The following FRAS1 variants were observed in gnomAD, a reference collection of about 807,000 sequenced individuals.
FRAS1 encodes the protein extracellular matrix organizing protein FRAS1.
Under a neutral mutation model 435.2 loss-of-function variants are expected in FRAS1, and 290 were observed. The observed-to-expected ratio is 0.67, with a 90% CI of 0.61 to 0.73. FRAS1 has a LOEUF of 0.73. FRAS1 is among the 30% of genes least tolerant of loss of function. FRAS1 has a pLI of 0.00. For missense variants in FRAS1, 4,860 were observed against 5,001.5 expected (o/e 0.97, Z 0.85); for synonymous variants, 1,800 against 1,851.0 (o/e 0.97, Z 0.71).
intron 2 of FRAS1, among the ~76,000 whole-genome samples, chr4:78,122,569 T>C (rs1312656936): frequency 6.6e-6 from 1 of 152,228 alleles, no homozygotes; most frequent in African/African-American, 2.4e-5. Flanking sequence ...TCCACAATGG[T>C]TGAACTAATT....
At chr4:78,360,448 G>A (rs555531667) in intron 20 of FRAS1, among the ~76,000 whole-genome samples, 38 of 152,274 alleles carry the variant, frequency 2.5e-4, no homozygotes, top group Middle Eastern at 6.8e-3. Flanking sequence ...GAGCATAGTT[G>A]GAAGTTAAGG....
chr4:78,308,005 A>G, intron 14 of FRAS1, 61 bp from the exon 15 acceptor site: 1 of 1,496,640 alleles, frequency 6.7e-7, no homozygotes, highest in East Asian at 2.3e-5. Flanking sequence ...TATTTAAAAG[A>G]AAAATGATGA....
chr4:78,515,303 G>T (rs1721171458), intron 65 of FRAS1, among the ~76,000 whole-genome samples: 1 of 145,686 alleles, frequency 6.9e-6, no homozygotes, highest in Non-Finnish European at 1.5e-5. Context: ...GCAAGAAGTA[G>T]TCAAATGTAG....
At chr4:78,075,340 T>C (rs1478338481) in intron 2 of FRAS1, among the ~76,000 whole-genome samples, 1 of 151,900 alleles carries the variant, frequency 6.6e-6, no homozygotes, top group Non-Finnish European at 1.5e-5. Context: ...CCTTGAGGAG[T>C]TGGTTATTTG....
At chr4:78,355,925 G>A (rs982018675) in intron 20 of FRAS1, among the ~76,000 whole-genome samples, 5 of 152,154 alleles carry the variant, frequency 3.3e-5, no homozygotes, top group Non-Finnish European at 7.3e-5. Flanking sequence ...CTGAATTAGA[G>A]GGCTCATCAG....
At chr4:78,153,146 A>G (rs1456665128) in intron 2 of FRAS1, among the ~76,000 whole-genome samples, 1 of 152,068 alleles carries the variant, frequency 6.6e-6, no homozygotes, top group Non-Finnish European at 1.5e-5. Context: ...TCTTATCCCT[A>G]GAGGATTTTG....
chr4:78,146,629 C>G (rs1720432780), intron 2 of FRAS1, among the ~76,000 whole-genome samples: 1 of 152,238 alleles, frequency 6.6e-6, no homozygotes, highest in South Asian at 2.1e-4. Flanking sequence ...ACCTTCCCAT[C>G]CCTCACATTT....
In FRAS1 at chr4:78,472,167, G is replaced by A. The variant is rs1353401392; in HGVS notation, c.7372-13G>A. ...CCACCTCAGGAATTAAATTAAATGG[G>A]TTTCTATTCTAGGCAACCAACCTGA... On this transcript the variant is annotated splice_polypyrimidine_tract_variant and intron_variant, in intron 51 of 73. Transcript: ENST00000512123. 6.2e-7 allele frequency: 1 copy of A among 1,613,582 alleles called. No homozygotes were observed. Among genetic ancestry groups the A allele is most frequent in the Admixed American group, 1.7e-5 (1 of 60,016 alleles).
chr4:78,307,139 C>G lies in FRAS1; in HGVS notation c.1535-927C>G, dbSNP rs186748692. Among the ~76,000 whole-genome samples, 489 of 152,168 alleles carry G rather than the reference C, an allele frequency of 3.2e-3. 5 individuals are homozygous for G. The highest frequency in any genetic ancestry group is 0.028 in the Middle Eastern group (8 of 288). ...GTACCCGGCACTGTGAGGTGTCAGT[C>G]TGCCCCTGCTGGGGGGTGCCTCCTA... On this transcript the variant is annotated intron_variant, in intron 14 of 73. Coordinates refer to ENST00000512123, the MANE Select transcript of FRAS1 (RefSeq NM_025074.7).
At chr4:78,196,005 A>C (rs1489959738) in intron 2 of FRAS1, among the ~76,000 whole-genome samples, 1 of 123,584 alleles carries the variant, frequency 8.1e-6, no homozygotes, top group Non-Finnish European at 1.8e-5. Flanking sequence ...TTATTTATTT[A>C]TTATGTTTTA....
rs116708843 is a variant in FRAS1, at chr4:78,095,543, C to T, written c.108+29527C>T. Among the ~76,000 whole-genome samples the T allele has an allele frequency of 1.5e-3, 223 of 152,222 alleles. 2 individuals are homozygous for T. The highest frequency in any genetic ancestry group is 0.012 in the South Asian group (58 of 4,820). On this transcript the variant is annotated intron_variant, in intron 2 of 73. Transcript: ENST00000512123. ...TTTCATGCTGCTGATAAAGACTTAC[C>T]CGAGACTGGGAAGAAAAAGAGGTTT...
chr4:78,372,130 G>A (rs941267037), intron 23 of FRAS1, among the ~76,000 whole-genome samples: 3 of 152,126 alleles, frequency 2.0e-5, no homozygotes, highest in Non-Finnish European at 4.4e-5. Context: ...GCCTAAATGA[G>A]ACCTTCTATT....
At chr4:78,238,913 TAA>T (rs998971198) in intron 3 of FRAS1, among the ~76,000 whole-genome samples, 6 of 152,216 alleles carry the variant, frequency 3.9e-5, no homozygotes, top group African/African-American at 1.4e-4. Flanking sequence ...GCTTATGATC[TAA>T]GAGTGGCTTT....
chr4:78,131,006 T>G (rs1578144060), intron 2 of FRAS1, among the ~76,000 whole-genome samples: 1 of 152,188 alleles, frequency 6.6e-6, no homozygotes, highest in Non-Finnish European at 1.5e-5. Context: ...AGTTCTTGGT[T>G]CTGATATTTT....
chr4:78,494,035 C>G (rs1299302117), intron 59 of FRAS1, among the ~76,000 whole-genome samples: 1 of 151,706 alleles, frequency 6.6e-6, no homozygotes, highest in Non-Finnish European at 1.5e-5. Flanking sequence ...TTTGTTTTAC[C>G]CCTACTCTCC....
At chr4:78,232,903 C>T (rs879268684) in intron 2 of FRAS1, among the ~76,000 whole-genome samples, 6 of 152,128 alleles carry the variant, frequency 3.9e-5, no homozygotes, top group African/African-American at 1.2e-4. Context: ...TCATAGTCTG[C>T]TGGGAAGACA....
At chr4:78,103,973 C>T (rs1376826319) in intron 2 of FRAS1, among the ~76,000 whole-genome samples, 1 of 152,208 alleles carries the variant, frequency 6.6e-6, no homozygotes, top group Non-Finnish European at 1.5e-5. Context: ...CACCTTCCTG[C>T]ACTCAGTGTT....
rs769192947 is a variant in FRAS1, at chr4:78,363,957, C to T, written c.2625C>T (p.Cys875=). 3.6e-5 allele frequency: 58 copies of T among 1,613,282 alleles called. No homozygotes were observed. The East Asian group carries it at 1.3e-3, about 35-fold the overall frequency. The part of the protein sequence containing the change: ...RTCQGRGPFS[C]SSCDTNLVLS... ...GCCAGGGCAGAGGACCTTTCTCCTG[C>T]TCCTCATGTGACACCAACCTCGTGC... The change falls in exon 22 of 74, where the codon TGC becomes TGT. Residue 875 remains cysteine, a synonymous_variant. Transcript: ENST00000512123.
chr4:78,372,710 C>T lies in FRAS1; in HGVS notation c.2870-8C>T. 6.2e-7 allele frequency: 1 copy of T among 1,612,168 alleles called. No homozygotes were observed. The highest frequency in any genetic ancestry group is 8.5e-7 in the Non-Finnish European group (1 of 1,179,762). The stretch of plus-strand genomic sequence containing the variant: ...AGGAAGATAATCTAATGCAGACTTT[C>T]TTTTTAGAGTGTGATTGGAGCTGCA... On this transcript the variant is annotated splice_polypyrimidine_tract_variant and splice_region_variant and intron_variant, in intron 23 of 73. Coordinates refer to ENST00000512123, the MANE Select transcript of FRAS1 (RefSeq NM_025074.7).
Sources: allele counts gnomAD v4.1 joint callset (sites outside exome capture counted in the v4.1 genomes callset), GRCh38; gene constraint gnomAD v4.1.1; transcripts MANE v1.5; gene names NCBI Gene and HGNC (gene_info 2026-07-23, HGNC 2026-07-21).